Variants in TNRC18 observed in about 807,000 individuals in gnomAD.
TNRC18 encodes trinucleotide repeat containing 18.
TNRC18 carries 69 observed loss-of-function variants against 226.7 expected under a neutral mutation model. That is an observed-to-expected ratio of 0.30 (90% confidence interval 0.25 to 0.37). TNRC18 has a LOEUF of 0.37. Among genes scored for constraint, TNRC18 ranks in the 10% least tolerant of loss-of-function variants. The pLI is 1.00. For missense variants in TNRC18, 4,754 were observed against 4,256.6 expected (o/e 1.12, Z -3.25); for synonymous variants, 2,449 against 1,927.6 (o/e 1.27, Z -7.09).
At chr7:5,360,234 TATTTA>T (rs545254590) in intron 14 of TNRC18, among the ~76,000 whole-genome samples, 5 of 151,518 alleles carry the variant, frequency 3.3e-5, no homozygotes, top group South Asian at 4.2e-4. Context: ...TTTATTTATT[TATTTA>T]ATTTATTTTT....
intron 5 of TNRC18, among the ~76,000 whole-genome samples, chr7:5,382,102 G>A (rs2128186350): frequency 6.6e-6 from 1 of 152,278 alleles, no homozygotes; most frequent in East Asian, 1.9e-4. Context: ...ATCAACCCAG[G>A]AGGCAGATCC....
intron 19 of TNRC18, 154 bp from the exon 20 acceptor site, chr7:5,325,402 G>C (rs1788799596): frequency 6.1e-6 from 5 of 823,860 alleles, no homozygotes; most frequent in South Asian, 3.6e-5. Flanking sequence ...CTTCCTGCAA[G>C]CGTTTTTGGT....
chr7:5,351,162 CG>C (rs1444539238), intron 17 of TNRC18, among the ~76,000 whole-genome samples: 2 of 151,968 alleles, frequency 1.3e-5, no homozygotes, highest in South Asian at 2.1e-4. Flanking sequence ...GCAGGCGGCA[CG>C]GTCCCGTCCC....
chr7:5,366,344 T>TTTTG, intron 11 of TNRC18, among the ~76,000 whole-genome samples: 1 of 145,062 alleles, frequency 6.9e-6, no homozygotes, highest in Non-Finnish European at 1.5e-5. Context: ...TTTTTTTTTT[T>TTTTG]GTGAGACAGA....
intron 4 of TNRC18, chr7:5,390,140 G>A (rs1256202211): frequency 6.9e-6 from 3 of 432,070 alleles, no homozygotes; most frequent in Non-Finnish European, 1.2e-5. Flanking sequence ...GAGGTAGGAG[G>A]ATTGCTTGAG....
chr7:5,384,659 G>A (rs1018328324), intron 5 of TNRC18, among the ~76,000 whole-genome samples: 15 of 152,170 alleles, frequency 9.9e-5, no homozygotes, highest in Non-Finnish European at 4.4e-5. Context: ...TCCAGAGAAA[G>A]GCTCAAAGAG....
rs764559894 is a variant in TNRC18 at position 5,387,692 on chromosome 7, A to C, written c.2132T>G (p.Leu711Arg). The C allele has an allele frequency of 6.2e-7, 1 of 1,604,990 alleles. No individual in the cohort carries two copies. Among genetic ancestry groups the C allele is most frequent in the South Asian group, 1.1e-5 (1 of 91,092 alleles). ...CCTACCTTTGACGTTACTCAGCGACAGAGAGCGCTCCTGGTCTACCAGCCC... is the reference window on the plus strand; with the variant it reads ...CCTACCTTTGACGTTACTCAGCGACCGAGAGCGCTCCTGGTCTACCAGCCC... The part of the protein sequence containing the change: ...GPGLVDQERS[L>R]SLSNVKGHGR... The change falls in exon 5 of 30, where the codon CTG (leucine) becomes CGG (arginine). Residue 711 changes from leucine to arginine, a missense_variant. Physicochemically the swap from Leu to Arg is moderately radical, Grantham distance 102. Coordinates refer to ENST00000430969, the MANE Select transcript of TNRC18 (RefSeq NM_001080495.3).
At chr7:5,355,662 G>A (rs1485183328) in intron 16 of TNRC18, among the ~76,000 whole-genome samples, 1 of 152,088 alleles carries the variant, frequency 6.6e-6, no homozygotes, top group African/African-American at 2.4e-5. Flanking sequence ...CAGAGGGGAG[G>A]ATTGCTTGAG....
At chr7:5,347,188 A>ATTT (rs879502491) in intron 17 of TNRC18, among the ~76,000 whole-genome samples, 1 of 143,838 alleles carries the variant, frequency 7.0e-6, no homozygotes, top group Non-Finnish European at 1.5e-5. Flanking sequence ...CAAAAAAAAA[A>ATTT]ATTTTTTTTT....
rs1483241195 is a variant in TNRC18, at chr7:5,313,208, G to A, written c.7683C>T (p.Ser2561=). ...TGCTACTGCTGCCACTACTGCTGCTGCTGCTGCTCTCGGACTCTTCGGCCC... is the reference window on the plus strand; with the variant it reads ...TGCTACTGCTGCCACTACTGCTGCTACTGCTGCTCTCGGACTCTTCGGCCC... ...QDGAEESESS[S]SSSSGSSSSS... Residue 2561 remains serine (S), a synonymous_variant, in exon 27 of 30, where the codon AGC becomes AGT. Coordinates refer to ENST00000430969, the MANE Select transcript of TNRC18 (RefSeq NM_001080495.3). The A allele has an allele frequency of 6.5e-7, 1 of 1,547,938 alleles. No homozygotes were observed.
At chr7:5,376,698 C>T in intron 8 of TNRC18, 149 bp downstream of exon 8, 2 of 929,564 alleles carry the variant, frequency 2.2e-6, no homozygotes, top group Non-Finnish European at 3.2e-6. Context: ...ACAACACTGG[C>T]AACAGATGTT....
intron 11 of TNRC18, among the ~76,000 whole-genome samples, chr7:5,363,447 C>CA (rs899102138): frequency 3.3e-5 from 5 of 150,274 alleles, no homozygotes; most frequent in African/African-American, 1.2e-4. Flanking sequence ...CTAAAAAATA[C>CA]AAAAAAATTA....
chr7:5,341,984 G>A (rs566543325), intron 18 of TNRC18, among the ~76,000 whole-genome samples: 3 of 152,268 alleles, frequency 2.0e-5, no homozygotes, highest in East Asian at 1.9e-4. Context: ...CTGCTAGCAC[G>A]GCGCCCATTC....
chr7:5,308,058 G>C lies in TNRC18; in HGVS notation c.*48C>G. The C allele has an allele frequency of 6.6e-7, 1 of 1,512,360 alleles. No individual in the cohort carries two copies. The highest frequency in any genetic ancestry group is 8.9e-7 in the Non-Finnish European group (1 of 1,118,264). 93.7% of individuals were successfully genotyped at this position (1,512,360 alleles called of 1,614,324 possible). ...CGCGCCATGGCAGTGATGGAGATGGGTCCCTGGCCGCCCTCGGGGCACAGG... is the reference window on the plus strand; with the variant it reads ...CGCGCCATGGCAGTGATGGAGATGGCTCCCTGGCCGCCCTCGGGGCACAGG... On this transcript the variant is annotated 3_prime_UTR_variant, in exon 30 of 30. Transcript: ENST00000430969.
intron 2 of TNRC18, among the ~76,000 whole-genome samples, chr7:5,414,965 G>A (rs116183558): frequency 0.016 from 2,408 of 152,160 alleles, 69 homozygotes; most frequent in African/African-American, 0.056. Flanking sequence ...ACAGTTCTCC[G>A]CCTTCCTCTG....
At chr7:5,347,499 C>CCA (rs1262166731) in intron 17 of TNRC18, among the ~76,000 whole-genome samples, 2 of 151,518 alleles carry the variant, frequency 1.3e-5, no homozygotes, top group Admixed American at 1.3e-4. Context: ...CCCAGCCCCC[C>CCA]CGCAAAAATT....
In TNRC18 at chr7:5,377,089, A is replaced by T. The variant is rs1233275309; in HGVS notation, c.2462-96T>A. The T allele has an allele frequency of 6.7e-7, 1 of 1,489,224 alleles. No individual in the cohort carries two copies. Among genetic ancestry groups the T allele is most frequent in the Non-Finnish European group, 9.0e-7 (1 of 1,114,248 alleles). The allele number at this position is 1,489,224 out of a possible 1,614,324, so 92.3% of individuals were successfully genotyped here. On this transcript the variant is annotated intron_variant, in intron 7 of 29. Coordinates refer to ENST00000430969, the MANE Select transcript of TNRC18 (RefSeq NM_001080495.3). The surrounding 1 kb of genome is among the most constrained non-coding windows in gnomAD (Gnocchi z 5.8). ...CCCAGCACCACCTCCCAAGTCCTGA[A>T]CCTCCTGGGGCCTCCAGTGGGGAAG...
intron 14 of TNRC18, among the ~76,000 whole-genome samples, chr7:5,361,134 G>C (rs1792997219): frequency 6.6e-6 from 1 of 152,198 alleles, no homozygotes; most frequent in African/African-American, 2.4e-5. Flanking sequence ...GCCCGAGGAG[G>C]AGAAGCTTGT....
intron 11 of TNRC18, among the ~76,000 whole-genome samples, chr7:5,367,379 A>G (rs577958968): frequency 6.6e-6 from 1 of 152,102 alleles, no homozygotes; most frequent in South Asian, 2.1e-4. Context: ...ATAATTAAAA[A>G]CAAAAACAAA....
Sources: allele counts gnomAD v4.1 joint callset (sites outside exome capture counted in the v4.1 genomes callset), GRCh38; gene constraint gnomAD v4.1.1; non-coding constraint Gnocchi (gnomAD v3.1); transcripts MANE v1.5; gene names NCBI Gene and HGNC (gene_info 2026-07-23, HGNC 2026-07-21).